Variants in GRIA4 observed in about 807,000 individuals in gnomAD.
The protein encoded by GRIA4 is glutamate ionotropic receptor AMPA type subunit 4.
A neutral mutation model predicts 104.0 loss-of-function variants in GRIA4; 34 were observed. That is an observed-to-expected ratio of 0.33 (90% CI 0.25 to 0.44). The LOEUF is 0.44. GRIA4 is among the 20% of genes least tolerant of loss of function. The probability of loss-of-function intolerance (pLI) is 1.00; values close to 1 mark genes in which losing one functional copy is unlikely to be tolerated. For synonymous variants in GRIA4, 386 were observed against 381.9 expected, an observed-to-expected ratio of 1.01 and a Z score of -0.13; for missense variants, 750 against 1,096.5, an observed-to-expected ratio of 0.68 and a Z score of 4.46.
At chr11:105,839,750 C>T (rs916920986) in intron 4 of GRIA4, among the ~76,000 whole-genome samples, 1 of 151,876 alleles carries the variant, frequency 6.6e-6, no homozygotes, top group African/African-American at 2.4e-5. Context: ...AATTACACAC[C>T]TAATTCTAGT....
At chr11:105,959,598 T>C (rs1339897527) in intron 14 of GRIA4, among the ~76,000 whole-genome samples, 1 of 152,214 alleles carries the variant, frequency 6.6e-6, no homozygotes, top group Non-Finnish European at 1.5e-5. Flanking sequence ...GAAGACTCCT[T>C]CCGTCAGTTC....
intron 3 of GRIA4, among the ~76,000 whole-genome samples, chr11:105,668,062 T>C (rs1435901265): frequency 3.3e-5 from 5 of 151,512 alleles, no homozygotes; most frequent in Non-Finnish European, 2.9e-5. Context: ...AATTTGACTA[T>C]TTTAGCTTTG....
intron 13 of GRIA4, among the ~76,000 whole-genome samples, chr11:105,929,753 A>G (rs1947820297): frequency 6.6e-6 from 1 of 152,160 alleles, no homozygotes; most frequent in African/African-American, 2.4e-5. Flanking sequence ...ACCGGATAGC[A>G]ATGTAAACAT....
chr11:105,964,805 G>GTTTTTTTTTTTTTTTTTTTTTTTTTT, intron 14 of GRIA4, among the ~76,000 whole-genome samples: 1 of 141,364 alleles, frequency 7.1e-6, no homozygotes. Flanking sequence ...TTTTTTTTTT[G>GTTTTTTTTTTTTTTTTTTTTTTTTTT]TTTGTTTGTT....
In GRIA4 at chr11:105,676,521, TAA is replaced by T. The variant is rs5794419; in HGVS notation, c.247+64094_247+64095del. 3.4e-3 allele frequency among the ~76,000 whole-genome samples: 520 copies of T among 151,656 alleles called. 5 individuals are homozygous for T. The highest frequency in any genetic ancestry group is 6.8e-3 in the Middle Eastern group (2 of 294). ...TTGATATCTTATATGTTAAAAATTA[TAA>T]AAAAAAGAATCACTATATCTATAAG... On this transcript the variant is annotated intron_variant, in intron 3 of 16. Coordinates refer to ENST00000282499, the MANE Select transcript of GRIA4 (RefSeq NM_000829.4).
chr11:105,754,194 A>T (rs111399408), intron 4 of GRIA4, among the ~76,000 whole-genome samples: 1,660 of 152,260 alleles, frequency 0.011, 36 homozygotes, highest in African/African-American at 0.038. Flanking sequence ...CACACTAGAG[A>T]CAATCTTCTG....
intron 10 of GRIA4, among the ~76,000 whole-genome samples, chr11:105,914,124 T>A (rs1466841877): frequency 6.6e-6 from 1 of 151,840 alleles, no homozygotes; most frequent in Non-Finnish European, 1.5e-5. Context: ...ATACAAAATA[T>A]TAATTTTCCT....
At chr11:105,759,177 C>T (rs897351872) in intron 4 of GRIA4, among the ~76,000 whole-genome samples, 1 of 151,982 alleles carries the variant, frequency 6.6e-6, no homozygotes, top group African/African-American at 2.4e-5. Flanking sequence ...TCTTTTATTA[C>T]CATCATCATT....
intron 3 of GRIA4, among the ~76,000 whole-genome samples, chr11:105,724,662 A>T (rs1025130084): frequency 1.3e-5 from 2 of 152,106 alleles, no homozygotes; most frequent in Non-Finnish European, 2.9e-5. Flanking sequence ...GGGGATGGTG[A>T]TAAGAAATTA....
chr11:105,652,660 A>T (rs1951716814), intron 3 of GRIA4, among the ~76,000 whole-genome samples: 1 of 152,096 alleles, frequency 6.6e-6, no homozygotes, highest in Non-Finnish European at 1.5e-5. Context: ...TTATGACAAT[A>T]TTTTATGACT....
intron 1 of GRIA4, 32 bp from the exon 2 acceptor site, chr11:105,610,865 CTTTTCTTTTTT>C (rs1313378726): frequency 1.2e-5 from 6 of 505,898 alleles, no homozygotes; most frequent in Admixed American, 4.5e-5. Flanking sequence ...TCTTTTCTTT[CTTTTCTTTTTT>C]TTTTTTTTTT....
At chr11:105,938,129 T>G (rs1443613307) in intron 14 of GRIA4, among the ~76,000 whole-genome samples, 5 of 152,200 alleles carry the variant, frequency 3.3e-5, no homozygotes, top group Non-Finnish European at 7.4e-5. Context: ...TCAAATTATT[T>G]TTCTTCCACT....
intron 7 of GRIA4, among the ~76,000 whole-genome samples, chr11:105,901,045 T>C (rs1946836618): frequency 6.6e-6 from 1 of 152,148 alleles, no homozygotes; most frequent in Non-Finnish European, 1.5e-5. Context: ...AGGGATTTCA[T>C]ATAATTATTT....
chr11:105,959,398 G>A (rs1241024407), intron 14 of GRIA4, among the ~76,000 whole-genome samples: 1 of 152,150 alleles, frequency 6.6e-6, no homozygotes, highest in African/African-American at 2.4e-5. Flanking sequence ...CGATTCGGCT[G>A]TTGATACTTG....
At chr11:105,970,913 A>G (rs1858654644) in intron 14 of GRIA4, among the ~76,000 whole-genome samples, 1 of 152,184 alleles carries the variant, frequency 6.6e-6, no homozygotes, top group African/African-American at 2.4e-5. Flanking sequence ...AATTCCTTGG[A>G]ATATTGACGC....
chr11:105,890,802 G>A (rs897239741), intron 6 of GRIA4, among the ~76,000 whole-genome samples: 5 of 152,208 alleles, frequency 3.3e-5, no homozygotes, highest in Admixed American at 2.0e-4. Flanking sequence ...AAATTTCTCT[G>A]ATTATCTCTG....
At chr11:105,796,748 T>G (rs1942494161) in intron 4 of GRIA4, among the ~76,000 whole-genome samples, 1 of 152,200 alleles carries the variant, frequency 6.6e-6, no homozygotes, top group South Asian at 2.1e-4. Context: ...TATTTTTCCA[T>G]AACATTTAAA....
chr11:105,885,350 C>G (rs1406430124), intron 5 of GRIA4, among the ~76,000 whole-genome samples: 2 of 152,182 alleles, frequency 1.3e-5, no homozygotes, highest in African/African-American at 2.4e-5. Flanking sequence ...TGCTTGTCCT[C>G]ATCTTCATGG....
intron 3 of GRIA4, among the ~76,000 whole-genome samples, chr11:105,667,869 GA>G (rs1054789037): frequency 2.6e-5 from 4 of 151,444 alleles, no homozygotes; most frequent in African/African-American, 7.3e-5. Context: ...TACCCTTTTA[GA>G]AAACTTCAAA....
Sources: gnomAD v4.1 joint callset for allele counts (sites outside exome capture counted in the v4.1 genomes callset) on GRCh38, gnomAD v4.1.1 for gene constraint, MANE v1.5 for transcripts, NCBI Gene and HGNC (gene_info 2026-07-23, HGNC 2026-07-21) for gene names.